ZNF605: variants seen among roughly 807,000 people sequenced by gnomAD.
ZNF605 encodes the protein zinc finger protein 605.
Under a neutral mutation model 7.9 loss-of-function variants are expected in ZNF605, and 9 were observed. The ratio of observed to expected loss-of-function variants is 1.14; its 90% CI spans 0.68 to 1.98. ZNF605 has a LOEUF of 1.98. Ranked by LOEUF, ZNF605 falls within the 30% of genes most tolerant of loss-of-function variation. The pLI, the probability that ZNF605 is intolerant of heterozygous loss-of-function variation, is 0.00. For synonymous variants in ZNF605, 255 were observed against 260.1 expected (o/e 0.98, Z 0.19); for missense variants, 673 against 762.4 (o/e 0.88, Z 1.38).
At chr12:132,950,318 T>A (rs1488595050) in intron 1 of ZNF605, among the ~76,000 whole-genome samples, 9 of 152,092 alleles carry the variant, frequency 5.9e-5, no homozygotes, top group African/African-American at 2.2e-4. Context: ...ATCCCTCTGC[T>A]CTCACATTCA....
In ZNF605 at chr12:132,926,386, CTGTGTGCGCTCTCTGA is replaced by C; in HGVS notation, c.897_912del (p.His299GlnfsTer21). 1 of 1,614,168 alleles carries C rather than the reference CTGTGTGCGCTCTCTGA, an allele frequency of 6.2e-7. No homozygotes were observed. Among genetic ancestry groups the C allele is most frequent in the Non-Finnish European group, 8.5e-7 (1 of 1,180,026 alleles). On this transcript the variant is annotated frameshift_variant, in exon 5 of 5. Coordinates refer to ENST00000360187, the MANE Select transcript of ZNF605 (RefSeq NM_183238.4). LOFTEE classifies it low-confidence loss of function (END_TRUNC). ...TGACTACATGGATAGGGTTTCTCTC[CTGTGTGCGCTCTCTGA>C]TGTGTGATGAGTTTTAATTTCTGGG...
intron 1 of ZNF605, among the ~76,000 whole-genome samples, chr12:132,948,838 C>A (rs1038619103): frequency 6.6e-6 from 1 of 152,340 alleles, no homozygotes; most frequent in South Asian, 2.1e-4. Context: ...CAGGTGACCC[C>A]ACGCTCAGGA....
Position 132,933,189 on chromosome 12 carries a change from G to C in ZNF605, c.16-34C>G. 6.4e-7 allele frequency: 1 copy of C among 1,574,260 alleles called. No individual in the cohort carries two copies. The highest frequency in any genetic ancestry group is 8.6e-7 in the Non-Finnish European group (1 of 1,159,274). On this transcript the variant is annotated intron_variant, in intron 3 of 4. Transcript: ENST00000360187. This position sits in a 1 kb window ranked among gnomAD's most constrained non-coding sequence, Gnocchi z 4.4. Reference sequence around the variant, plus strand: ...GCATAATCCCTGTTAAACCTGAAGTGGTTCTCATTTGGTCTTGTAAAATAC... The same window carrying C: ...GCATAATCCCTGTTAAACCTGAAGTCGTTCTCATTTGGTCTTGTAAAATAC...
chr12:132,937,560 T>C (rs772068457), intron 3 of ZNF605, among the ~76,000 whole-genome samples: 103 of 151,788 alleles, frequency 6.8e-4, no homozygotes, highest in Non-Finnish European at 9.0e-4. Context: ...CTGTGAGGAC[T>C]CAGAGCAAGA....
chr12:132,942,562 G>A (rs893494143), intron 3 of ZNF605, among the ~76,000 whole-genome samples: 8 of 152,218 alleles, frequency 5.3e-5, no homozygotes, highest in African/African-American at 1.2e-4. Flanking sequence ...ACAGAGGCCC[G>A]ACGATGGGAA....
chr12:132,926,838 T>C lies in ZNF605; in HGVS notation c.461A>G (p.Glu154Gly). 6.2e-7 allele frequency: 1 copy of C among 1,614,230 alleles called. No homozygotes were observed. The highest frequency in any genetic ancestry group is 1.1e-5 in the South Asian group (1 of 91,086). Reference protein sequence around the residue: ...DCSTCRKSSNEEPWLTANHIT... With the variant: ...DCSTCRKSSNGEPWLTANHIT... ...GTGATTAGCAGTGAGCCATGGCTCT[T>C]CGTTGCTGGATTTTCTACATGTACT... Residue 154 changes from glutamate (E) to glycine (G), a missense_variant, in exon 5 of 5, where the codon GAA becomes GGA. By Grantham distance (98) the Glu-to-Gly change is moderately conservative. Coordinates refer to ENST00000360187, the MANE Select transcript of ZNF605 (RefSeq NM_183238.4).
intron 1 of ZNF605, among the ~76,000 whole-genome samples, chr12:132,952,814 G>C (rs1004688160): frequency 5.9e-5 from 9 of 152,160 alleles, no homozygotes; most frequent in African/African-American, 9.6e-5. Flanking sequence ...AAGCTACAAG[G>C]AGAGGGCCAA....
rs766245879 is a variant in ZNF605 at position 132,925,651 on chromosome 12, T to C, written c.1648A>G (p.Lys550Glu). 3 of 1,614,192 alleles carry C rather than the reference T, an allele frequency of 1.9e-6. No individual in the cohort carries two copies. The Admixed American group carries it at 5.0e-5, about 27-fold the overall frequency. The change falls in exon 5 of 5, where the codon AAG (lysine) becomes GAG (glutamate). Residue 550 changes from lysine to glutamate, a missense_variant. Lys to Glu is a moderately conservative substitution (Grantham distance 56, BLOSUM62 1). Coordinates refer to ENST00000360187, the MANE Select transcript of ZNF605 (RefSeq NM_183238.4). Reference protein sequence around the residue: ...KAFVQKVQLIKHQRNHTGEKT... With the variant: ...KAFVQKVQLIEHQRNHTGEKT... ...TCTCCTGTGTGATTTCTTTGATGCT[T>C]AATGAGCTGCACTTTCTGAACAAAT...
intron 3 of ZNF605, among the ~76,000 whole-genome samples, chr12:132,938,056 T>C (rs1302338142): frequency 2.0e-4 from 30 of 151,784 alleles, no homozygotes; most frequent in Middle Eastern, 3.5e-3. Context: ...TCTCGGCTCA[T>C]GGCAAGCCCC....
At chr12:132,931,375 A>G (rs903424661) in intron 4 of ZNF605, among the ~76,000 whole-genome samples, 9 of 152,168 alleles carry the variant, frequency 5.9e-5, no homozygotes, top group African/African-American at 2.2e-4. Flanking sequence ...TTATGGGGAA[A>G]AAAATCTTAG....
rs1489046083 is a variant in ZNF605, at chr12:132,920,620, T to C, written c.*4753A>G. ...ACATACTAAATAATTTAAATTAATA[T>C]GGTGATGGAGTGTGTGGCGTTGGAA... On this transcript the variant is annotated 3_prime_UTR_variant, in exon 5 of 5. Transcript: ENST00000360187. The C allele has an allele frequency of 1.3e-5, 2 of 152,190 alleles. No individual in the cohort carries two copies. Among genetic ancestry groups the C allele is most frequent in the Non-Finnish European group, 2.9e-5 (2 of 68,036 alleles). 9.4% of individuals were successfully genotyped at this position (152,190 alleles called of 1,614,324 possible).
chr12:132,930,885 G>A (rs967321526), intron 4 of ZNF605, among the ~76,000 whole-genome samples: 7 of 152,070 alleles, frequency 4.6e-5, no homozygotes, highest in Non-Finnish European at 8.8e-5. Flanking sequence ...CCTCACCCCT[G>A]TAATCTCAGT....
rs371584246 is a variant in ZNF605 at position 132,928,247 on chromosome 12, C to A, written c.137-1085G>T. On this transcript the variant is annotated intron_variant, in intron 4 of 4. Coordinates refer to ENST00000360187, the MANE Select transcript of ZNF605 (RefSeq NM_183238.4). Reference sequence around the variant, plus strand: ...AGGGATATAATGCAGAATAAATGTACAATATCAACTTTACACCTGAAAGAT... The same window carrying A: ...AGGGATATAATGCAGAATAAATGTAAAATATCAACTTTACACCTGAAAGAT... Among the ~76,000 whole-genome samples the A allele has an allele frequency of 3.1e-3, 468 of 152,216 alleles. 4 individuals carry two copies. Among genetic ancestry groups the A allele is most frequent in the African/African-American group, 0.01 (425 of 41,530 alleles).
chr12:132,950,785 CAG>C (rs1952551912), intron 1 of ZNF605, among the ~76,000 whole-genome samples: 1 of 151,818 alleles, frequency 6.6e-6, no homozygotes, highest in Non-Finnish European at 1.5e-5. Flanking sequence ...CATGTACACA[CAG>C]ACACACTGAT....
At chr12:132,951,269 C>T (rs1398842381) in intron 1 of ZNF605, among the ~76,000 whole-genome samples, 14 of 151,324 alleles carry the variant, frequency 9.3e-5, no homozygotes, top group African/African-American at 3.2e-4. Flanking sequence ...ACATGTACAT[C>T]ACACACAGAT....
At chr12:132,936,855 T>G (rs1366055378) in intron 3 of ZNF605, among the ~76,000 whole-genome samples, 2 of 152,168 alleles carry the variant, frequency 1.3e-5, no homozygotes, top group Admixed American at 6.6e-5. Flanking sequence ...GAAAAAAATT[T>G]GATAAATTGG....
At chr12:132,935,225 G>A (rs1952352366) in intron 3 of ZNF605, among the ~76,000 whole-genome samples, 1 of 152,066 alleles carries the variant, frequency 6.6e-6, no homozygotes, top group Non-Finnish European at 1.5e-5. Flanking sequence ...CAAGCATAGG[G>A]GACTAATAGG....
In ZNF605 at chr12:132,920,246, T is replaced by G. The variant is rs573733873; in HGVS notation, c.*5127A>C. The G allele has an allele frequency of 5.3e-5, 8 of 152,104 alleles. No individual in the cohort carries two copies. The highest frequency in any genetic ancestry group is 1.9e-4 in the African/African-American group (8 of 41,364). The allele number at this position is 152,104 out of a possible 1,614,324, so 9.4% of individuals were successfully genotyped here. The stretch of plus-strand genomic sequence containing the variant: ...GCTCCACCTCCCAGGTTCACGCCAT[T>G]CTCCTGCCTCAGCCTCCTGAGTAGC... On this transcript the variant is annotated 3_prime_UTR_variant, in exon 5 of 5. Coordinates refer to ENST00000360187, the MANE Select transcript of ZNF605 (RefSeq NM_183238.4).
At position 132,925,880 on chromosome 12, in the gene ZNF605, A is replaced by T; in HGVS notation, c.1419T>A (p.Gly473=). ...ATTCACTGCATTCATAGGGTTTCTC[A>T]CCTGTATGTGTTCTCTGATGTGATA... ...SLISHQRTHT[G]EKPYECSECR... Residue 473 remains glycine (G), a synonymous_variant, in exon 5 of 5, where the codon GGT becomes GGA. Transcript: ENST00000360187. The T allele has an allele frequency of 6.2e-7, 1 of 1,613,748 alleles. No individual in the cohort carries two copies. Among genetic ancestry groups the T allele is most frequent in the Non-Finnish European group, 8.5e-7 (1 of 1,179,908 alleles).
Sources: gnomAD v4.1 joint callset for allele counts (sites outside exome capture counted in the v4.1 genomes callset) on GRCh38, gnomAD v4.1.1 for gene constraint, Gnocchi (gnomAD v3.1) non-coding constraint, MANE v1.5 for transcripts, NCBI Gene and HGNC (gene_info 2026-07-23, HGNC 2026-07-21) for gene names.